The following NOS1 variants were observed in gnomAD, a reference collection of about 807,000 sequenced individuals.
The protein encoded by NOS1 is NOS type I.
A neutral mutation model predicts 164.5 loss-of-function variants in NOS1; 51 were observed. The ratio of observed to expected loss-of-function variants is 0.31; its 90% CI spans 0.25 to 0.39. The LOEUF is 0.39. Ranked by LOEUF, NOS1 falls within the 10% of genes least tolerant of loss-of-function variation. The pLI, the probability that NOS1 is intolerant of heterozygous loss-of-function variation, is 1.00. For synonymous variants in NOS1, 719 were observed against 745.8 expected (o/e 0.96, Z 0.59); for missense variants, 1,362 against 1,885.6 (o/e 0.72, Z 5.14).
In NOS1 at chr12:117,330,512, G is replaced by T; in HGVS notation, c.558C>A (p.Asp186Glu). ...NGLAPRPPGQ[D>E]PAKKATRVSL... The stretch of plus-strand genomic sequence containing the variant: ...TGACTCTGGTTGCTTTCTTCGCGGG[G>T]TCCTGGCCTGGGGGCCTGGGGGCCA... The change falls in exon 2 of 29, where the codon GAC becomes GAA. Residue 186 changes from aspartate (D) to glutamate (E), a missense_variant. Asp to Glu is a conservative substitution (Grantham distance 45). Coordinates refer to ENST00000317775, the MANE Select transcript of NOS1 (RefSeq NM_000620.5). This position sits in a 1 kb window ranked among gnomAD's most constrained non-coding sequence, Gnocchi z 4.6. 6.2e-7 allele frequency: 1 copy of T among 1,614,024 alleles called. No homozygotes were observed. The highest frequency in any genetic ancestry group is 1.7e-5 in the Admixed American group (1 of 60,034).
chr12:117,210,479 G>A lies in NOS1; in HGVS notation c.*4830C>T. ...CACAGCGGCATGCTGGGTATGTGGGGCAGCGGGTAGGGAAATATACAAGGA... is the reference window on the plus strand; with the variant it reads ...CACAGCGGCATGCTGGGTATGTGGGACAGCGGGTAGGGAAATATACAAGGA... On this transcript the variant is annotated 3_prime_UTR_variant, in exon 29 of 29. Coordinates refer to ENST00000317775, the MANE Select transcript of NOS1 (RefSeq NM_000620.5). 1.0e-6 allele frequency: 1 copy of A among 985,494 alleles called. No homozygotes were observed. The highest frequency in any genetic ancestry group is 1.2e-6 in the Non-Finnish European group (1 of 830,006). 61.0% of individuals were successfully genotyped at this position (985,494 alleles called of 1,614,324 possible).
Position 117,242,444 on chromosome 12 carries a change from C to T in NOS1, c.3041+183G>A, listed in dbSNP as rs893522201. 2.0e-5 allele frequency among the ~76,000 whole-genome samples: 3 copies of T among 152,192 alleles called. No homozygotes were observed. The South Asian group carries it at 6.2e-4, about 32-fold the overall frequency. Reference sequence around the variant, plus strand: ...ATACCATCTCCTTTTTCCACTCCTTCAGGTTGGAGCTAGGCAAAAGGAAAG... The same window carrying T: ...ATACCATCTCCTTTTTCCACTCCTTTAGGTTGGAGCTAGGCAAAAGGAAAG... On this transcript the variant is annotated intron_variant, in intron 20 of 28. Transcript: ENST00000317775.
intron 27 of NOS1, among the ~76,000 whole-genome samples, chr12:117,219,283 TTTTTG>T (rs1156514167): frequency 6.7e-6 from 1 of 149,924 alleles, no homozygotes; most frequent in Non-Finnish European, 1.5e-5. Flanking sequence ...ACCCAGCCAT[TTTTTG>T]TTTTGTTTTG....
chr12:117,349,235 G>A (rs1337405372), intron 1 of NOS1, among the ~76,000 whole-genome samples: 1 of 152,230 alleles, frequency 6.6e-6, no homozygotes, highest in Non-Finnish European at 1.5e-5. Flanking sequence ...TTTTGAGTCT[G>A]GCTTCTTTCA....
rs781735055 is a variant in NOS1 at position 117,258,379 on chromosome 12, G to GAGGGGTCATTCACTT, written c.2531+3_2531+17dup. On this transcript the variant is annotated intron_variant, in intron 16 of 28. Coordinates refer to ENST00000317775, the MANE Select transcript of NOS1 (RefSeq NM_000620.5). ...CCCTCGGGGGTGGCGGGTGACGTCG[G>GAGGGGTCATTCACTT]AGGGGTCATTCACTTACTTCCTTTC... 1.2e-6 allele frequency: 2 copies of GAGGGGTCATTCACTT among 1,613,916 alleles called. No individual in the cohort carries two copies. The highest frequency in any genetic ancestry group is 2.2e-5 in the South Asian group (2 of 91,052).
chr12:117,292,076 A>G (rs967150523), intron 3 of NOS1, among the ~76,000 whole-genome samples: 1 of 152,214 alleles, frequency 6.6e-6, no homozygotes, highest in Non-Finnish European at 1.5e-5. Flanking sequence ...TTCAATTAGC[A>G]TTTATTGAGC....
chr12:117,280,627 G>A lies in NOS1; in HGVS notation c.1524+98C>T, dbSNP rs996216045. 1.7e-5 allele frequency: 21 copies of A among 1,249,736 alleles called. No individual in the cohort carries two copies. In the African/African-American group the frequency reaches 2.0e-4, roughly 12 times the overall value. 77.4% of individuals were successfully genotyped at this position (1,249,736 alleles called of 1,614,324 possible). A position where few individuals can be genotyped will look rare whatever the true frequency, so the allele number is the denominator to read the frequency against. ...GAGAAGAGTAAATGACCCCATCAGC[G>A]GATCTCCTGTGATGATAGCATTAAG... is the stretch of plus-strand genomic sequence containing the variant. On this transcript the variant is annotated intron_variant, in intron 8 of 28. Coordinates refer to ENST00000317775, the MANE Select transcript of NOS1 (RefSeq NM_000620.5).
rs9658515 is a variant in NOS1 at position 117,224,234 on chromosome 12, T to C, written c.3826+782A>G. ...CACTGCTATGCCCCAACGCCTCCAA[T>C]AGTGTTTGGCACTCATTAGGTGCTC... On this transcript the variant is annotated intron_variant, in intron 25 of 28. Transcript: ENST00000317775. Among the ~76,000 whole-genome samples the C allele has an allele frequency of 8.6e-3, 1,311 of 152,294 alleles. 20 individuals are homozygous for C. Among genetic ancestry groups the C allele is most frequent in the East Asian group, 0.057 (296 of 5,180 alleles).
At position 117,225,039 on chromosome 12, in the gene NOS1, C is replaced by T. The variant is rs1228191948; in HGVS notation, c.3803G>A (p.Arg1268Gln). 3.7e-6 allele frequency: 6 copies of T among 1,614,176 alleles called. No individual in the cohort carries two copies. Among genetic ancestry groups the T allele is most frequent in the African/African-American group, 1.3e-5 (1 of 75,050 alleles). ...ACCTTTGTGTTGGATATCAAATTGC[C>T]GCTGTTGCCAGAAGCTTCGGAAAGG... ...IAPFRSFWQQ[R>Q]QFDIQHKGMN... Residue 1268 changes from arginine to glutamine, a missense_variant, in exon 25 of 29, where the codon CGG becomes CAG. Arg to Gln is a conservative substitution (Grantham distance 43). This residue lies in a region of NOS1 where 737 missense variants were observed against 1,030.3 expected (regional missense o/e 0.72). Coordinates refer to ENST00000317775, the MANE Select transcript of NOS1 (RefSeq NM_000620.5).
In NOS1 at chr12:117,223,048, C is replaced by A. The variant is rs559119542; in HGVS notation, c.3827-185G>T. 2.0e-5 allele frequency among the ~76,000 whole-genome samples: 3 copies of A among 152,210 alleles called. No individual in the cohort carries two copies. In the East Asian group the frequency reaches 5.8e-4, roughly 29 times the overall value. On this transcript the variant is annotated intron_variant, in intron 25 of 28. Coordinates refer to ENST00000317775, the MANE Select transcript of NOS1 (RefSeq NM_000620.5). The stretch of plus-strand genomic sequence containing the variant: ...ACAGGTGCTCACATGCACGCACATG[C>A]ACACACATACACACACATACATATG...
intron 3 of NOS1, among the ~76,000 whole-genome samples, chr12:117,298,305 C>G (rs1166773915): frequency 6.6e-6 from 1 of 152,086 alleles, no homozygotes; most frequent in African/African-American, 2.4e-5. Flanking sequence ...AAGGCCACCA[C>G]TGATCTGACA....
chr12:117,330,195 G>A lies in NOS1; in HGVS notation c.725+150C>T, dbSNP rs918112493. The A allele has an allele frequency of 7.3e-6, 9 of 1,231,048 alleles. No homozygotes were observed. Among genetic ancestry groups the A allele is most frequent in the Non-Finnish European group, 9.6e-6 (9 of 937,122 alleles). The allele number at this position is 1,231,048 out of a possible 1,614,324, so 76.3% of individuals were successfully genotyped here. ...ATGTAATTTTAAGTGAAGATCAAGG[G>A]GGCCGTCAAGTGGTTATGCAAAAAC... On this transcript the variant is annotated intron_variant, in intron 2 of 28. Transcript: ENST00000317775. This position sits in a 1 kb window ranked among gnomAD's most constrained non-coding sequence, Gnocchi z 4.6.
In NOS1 at chr12:117,215,314, A is replaced by G; in HGVS notation, c.4300T>C (p.Ser1434Pro). ...SKKDTDEVFS[S>P] The stretch of plus-strand genomic sequence containing the variant: ...GGCTGGGCAAGAGGGTCCAGTTAGG[A>G]GCTGAAAACCCTGTGGAAAGAGAAG... The change falls in exon 29 of 29, where the codon TCC (serine) becomes CCC (proline). Residue 1434 changes from serine to proline, a missense_variant. Physicochemically the swap from Ser to Pro is moderately conservative, Grantham distance 74. Coordinates refer to ENST00000317775, the MANE Select transcript of NOS1 (RefSeq NM_000620.5). 1.9e-6 allele frequency: 3 copies of G among 1,553,592 alleles called. No homozygotes were observed. Among genetic ancestry groups the G allele is most frequent in the Non-Finnish European group, 2.6e-6 (3 of 1,147,952 alleles).
At chr12:117,244,289 G>A (rs1870447139) in intron 18 of NOS1, among the ~76,000 whole-genome samples, 2 of 151,998 alleles carry the variant, frequency 1.3e-5, no homozygotes, top group Non-Finnish European at 2.9e-5. Flanking sequence ...TGTCACCCAG[G>A]CTGGAGTGCA....
At chr12:117,216,835 A>G (rs1267684810) in intron 28 of NOS1, among the ~76,000 whole-genome samples, 1 of 152,198 alleles carries the variant, frequency 6.6e-6, no homozygotes, top group Non-Finnish European at 1.5e-5. Flanking sequence ...ATATGAGTCT[A>G]CTGGCCACGA....
chr12:117,352,245 G>A (rs1876657361), intron 1 of NOS1, among the ~76,000 whole-genome samples: 1 of 152,178 alleles, frequency 6.6e-6, no homozygotes, highest in Non-Finnish European at 1.5e-5. Context: ...AAGAGCCGAT[G>A]TCATGGCACT....
At chr12:117,266,309 C>T (rs1287271421) in intron 11 of NOS1, among the ~76,000 whole-genome samples, 1 of 152,106 alleles carries the variant, frequency 6.6e-6, no homozygotes, top group African/African-American at 2.4e-5. Context: ...ATTCTTAGGC[C>T]TTTGCGTCCT....
rs1876871992 is a variant in NOS1 at position 117,356,742 on chromosome 12, T to C, written c.-421+4770A>G. ...TCCACTATACCCTGTTAACCATACT[T>C]GAATTAGAGACTTAGGGGCACTTTC... On this transcript the variant is annotated intron_variant, in intron 1 of 28. Coordinates refer to ENST00000317775, the MANE Select transcript of NOS1 (RefSeq NM_000620.5). The surrounding 1 kb of genome is among the most constrained non-coding windows in gnomAD (Gnocchi z 4.2). Among the ~76,000 whole-genome samples, 1 of 152,228 alleles carries C rather than the reference T, an allele frequency of 6.6e-6. No individual in the cohort carries two copies. Among genetic ancestry groups the C allele is most frequent in the South Asian group, 2.1e-4 (1 of 4,834 alleles).
chr12:117,237,272 C>T (rs1869788281), intron 20 of NOS1, among the ~76,000 whole-genome samples: 1 of 152,016 alleles, frequency 6.6e-6, no homozygotes, highest in Admixed American at 6.6e-5. Flanking sequence ...GCTGGGATTA[C>T]AGTAGCCCGC....
Sources: allele counts gnomAD v4.1 joint callset (sites outside exome capture counted in the v4.1 genomes callset), GRCh38; gene constraint gnomAD v4.1.1; regional missense constraint gnomAD v4.1.1; non-coding constraint Gnocchi (gnomAD v3.1); transcripts MANE v1.5; gene names NCBI Gene and HGNC (gene_info 2026-07-23, HGNC 2026-07-21).